Variants in CHCT1 observed in about 807,000 individuals in gnomAD.
CHCT1 encodes CHD1 helical C-terminal domain containing protein 1.
At chr17:60,426,085 G>C in the CHCT1 span, 109,761 of 1,471,322 alleles carry the variant, frequency 0.075, 17,689 homozygotes, top group African/African-American at 0.65. Context: ...CCAGACCGGT[G>C]TGCTGGATAC....
At chr17:60,421,675 G>C in the CHCT1 span, 1 of 882,050 alleles carries the variant, frequency 1.1e-6, no homozygotes, top group Non-Finnish European at 1.4e-6. Flanking sequence ...CGCCAGGGGC[G>C]AGGGTCCCGG....
At chr17:60,426,759 C>T in the CHCT1 span, 3 of 1,611,390 alleles carry the variant, frequency 1.9e-6, no homozygotes, top group Non-Finnish European at 2.5e-6. Context: ...GAGCTGGAAG[C>T]AAAGCAGCTT....
At chr17:60,422,349 C>T in the CHCT1 span, 1 of 994,058 alleles carries the variant, frequency 1.0e-6, no homozygotes, top group Non-Finnish European at 1.4e-6. Flanking sequence ...CGACCCCGCA[C>T]ATCTTGCTCC....
At chr17:60,421,855 C>G in the CHCT1 span, 2 of 985,340 alleles carry the variant, frequency 2.0e-6, no homozygotes, top group South Asian at 9.4e-5. Flanking sequence ...GCTGCGCACA[C>G]GAGGCCGGCG....
the CHCT1 span, chr17:60,421,414 T>C: frequency 1.0e-6 from 1 of 985,552 alleles, no homozygotes; most frequent in South Asian, 4.7e-5. Flanking sequence ...AGGTGGCCGC[T>C]GGGTGGCAGG....
chr17:60,421,244 T>TACAACA, the CHCT1 span: 1 of 582,498 alleles, frequency 1.7e-6, no homozygotes. Context: ...TTCCTCCCCT[T>TACAACA]ACAACAACAA....
chr17:60,430,491 A>AT, the CHCT1 span, among the ~76,000 whole-genome samples: 1 of 151,838 alleles, frequency 6.6e-6, no homozygotes. Flanking sequence ...TTTTATTTTT[A>AT]TTTTTTTGAG....
the CHCT1 span, among the ~76,000 whole-genome samples, chr17:60,427,775 A>T: frequency 6.6e-6 from 1 of 152,020 alleles, no homozygotes; most frequent in Non-Finnish European, 1.5e-5. Flanking sequence ...TGTATCTACC[A>T]TTACAGTATG....
the CHCT1 span, among the ~76,000 whole-genome samples, chr17:60,427,263 T>G: frequency 6.6e-6 from 1 of 151,882 alleles, no homozygotes; most frequent in Non-Finnish European, 1.5e-5. Flanking sequence ...AATTATGGGG[T>G]GGTTATTTGG....
chr17:60,429,614 C>A, the CHCT1 span: 1 of 1,554,208 alleles, frequency 6.4e-7, no homozygotes, highest in South Asian at 1.2e-5. Context: ...TGAGTGGTGT[C>A]TGGGTGTTTC....
chr17:60,429,959 G>A, the CHCT1 span, among the ~76,000 whole-genome samples: 1 of 151,560 alleles, frequency 6.6e-6, no homozygotes, highest in African/African-American at 2.4e-5. Flanking sequence ...CCAGTAGCTG[G>A]GATTAGAGAT....
chr17:60,426,069 C>A, the CHCT1 span: 1 of 1,408,278 alleles, frequency 7.1e-7, no homozygotes, highest in Non-Finnish European at 9.7e-7. Context: ...CCACTCAGGG[C>A]TGCGGCCAGA....
At chr17:60,421,928 A>G in the CHCT1 span, 3 of 985,598 alleles carry the variant, frequency 3.0e-6, no homozygotes, top group African/African-American at 1.7e-5. Flanking sequence ...TACCTGCCCC[A>G]GGGAAGGCCG....
the CHCT1 span, among the ~76,000 whole-genome samples, chr17:60,423,146 TCA>T: frequency 6.6e-6 from 1 of 152,274 alleles, no homozygotes; most frequent in African/African-American, 2.4e-5. Context: ...TAGTGTTATT[TCA>T]CAGTCACTTT....
the CHCT1 span, among the ~76,000 whole-genome samples, chr17:60,427,549 C>T: frequency 1.3e-5 from 2 of 152,024 alleles, no homozygotes; most frequent in Non-Finnish European, 2.9e-5. Flanking sequence ...TCCCAGGTAG[C>T]TGGGATTACA....
At chr17:60,429,495 A>G in the CHCT1 span, 1 of 1,614,276 alleles carries the variant, frequency 6.2e-7, no homozygotes, top group Admixed American at 1.7e-5. Context: ...TCCAACATGC[A>G]GACCCCAGGT....
the CHCT1 span, chr17:60,429,400 G>C: frequency 6.2e-7 from 1 of 1,614,174 alleles, no homozygotes. Context: ...AGAGGTCCTT[G>C]CTGGCCGACC....
the CHCT1 span, chr17:60,426,957 C>G: frequency 6.8e-7 from 1 of 1,459,960 alleles, no homozygotes; most frequent in Non-Finnish European, 9.1e-7. Flanking sequence ...GACTCTGCTG[C>G]TTGACCTTTA....
the CHCT1 span, chr17:60,426,464 T>C: frequency 8.7e-7 from 1 of 1,151,266 alleles, no homozygotes. Flanking sequence ...CCTGAGGGGA[T>C]GGAGAGAGCT....
Sources: gnomAD v4.1 joint callset for allele counts (sites outside exome capture counted in the v4.1 genomes callset) on GRCh38, gnomAD v4.1.1 for gene constraint, MANE v1.5 for transcripts, NCBI Gene and HGNC (gene_info 2026-07-23, HGNC 2026-07-21) for gene names.